The following MYO10 variants were observed in gnomAD, a reference collection of about 807,000 sequenced individuals.
The protein encoded by MYO10 is myosin X.
Under a neutral mutation model 257.3 loss-of-function variants are expected in MYO10, and 133 were observed. The ratio of observed to expected loss-of-function variants is 0.52; its 90% confidence interval spans 0.45 to 0.60. The LOEUF (loss-of-function observed/expected upper bound fraction) is 0.60, where lower values mean the gene tolerates loss of function less well. MYO10 is among the 20% of genes least tolerant of loss of function. The probability of loss-of-function intolerance (pLI) is 0.00; values close to 1 mark genes in which losing one functional copy is unlikely to be tolerated. For synonymous variants in MYO10, 1,104 were observed against 1,028.6 expected, an observed-to-expected ratio of 1.07 and a Z score of -1.40; for missense variants, 2,399 against 2,635.7, an observed-to-expected ratio of 0.91 and a Z score of 1.97.
intron 19 of MYO10, among the ~76,000 whole-genome samples, chr5:16,715,190 C>T (rs1264175571): frequency 2.1e-5 from 3 of 145,064 alleles, no homozygotes; most frequent in Non-Finnish European, 4.5e-5. Flanking sequence ...TACCTATTGA[C>T]TCTAGGGCCT....
chr5:16,873,712 T>C (rs1561030823), intron 2 of MYO10, among the ~76,000 whole-genome samples: 1 of 152,196 alleles, frequency 6.6e-6, no homozygotes, highest in Non-Finnish European at 1.5e-5. Flanking sequence ...ACCTGCAGAC[T>C]CAACAACACG....
intron 19 of MYO10, among the ~76,000 whole-genome samples, chr5:16,711,648 G>T (rs1738625153): frequency 6.6e-6 from 1 of 152,148 alleles, no homozygotes; most frequent in South Asian, 2.1e-4. Context: ...CAGGCGTGGT[G>T]GCACGCGCCT....
chr5:16,866,323 G>T (rs1744248323), intron 2 of MYO10, among the ~76,000 whole-genome samples: 1 of 152,146 alleles, frequency 6.6e-6, no homozygotes, highest in South Asian at 2.1e-4. Context: ...AAAAACATTT[G>T]TATTTTGTTG....
chr5:16,769,564 T>C (rs1438409812), intron 9 of MYO10, among the ~76,000 whole-genome samples: 2 of 152,194 alleles, frequency 1.3e-5, no homozygotes, highest in African/African-American at 4.8e-5. Context: ...GGTCTTGAAC[T>C]CCTGACCTCA....
At chr5:16,741,248 A>G (rs1740007839) in intron 19 of MYO10, among the ~76,000 whole-genome samples, 2 of 152,222 alleles carry the variant, frequency 1.3e-5, no homozygotes, top group African/African-American at 4.8e-5. Context: ...CAAAATTCCA[A>G]CATGTGTATG....
At chr5:16,674,377 G>A (rs958594788) in intron 35 of MYO10, among the ~76,000 whole-genome samples, 2 of 152,092 alleles carry the variant, frequency 1.3e-5, no homozygotes, top group Non-Finnish European at 2.9e-5. Context: ...GCTAAGGCAG[G>A]AGAATCGCTT....
At chr5:16,763,127 A>C (rs926170929) in intron 14 of MYO10, among the ~76,000 whole-genome samples, 3 of 152,210 alleles carry the variant, frequency 2.0e-5, no homozygotes, top group African/African-American at 7.2e-5. Flanking sequence ...TTAAGTTCTT[A>C]TATAAATCTT....
chr5:16,674,972 G>T lies in MYO10; in HGVS notation c.4845C>A (p.Asn1615Lys), dbSNP rs376530724. Residue 1615 changes from asparagine (N) to lysine (K), a missense_variant, in exon 35 of 41, where the codon AAC becomes AAA. Asn to Lys is a moderately conservative substitution (Grantham distance 94). This residue lies in a region of MYO10 where 1,820 missense variants were observed against 1,939.4 expected (regional missense o/e 0.94). Transcript: ENST00000513610. The stretch of plus-strand genomic sequence containing the variant: ...CCACACTGCCGGGGTGGGGCACTTT[G>T]TTGGTCTGTTTGATAAGCTGGCAGT... ...ELYCQLIKQT[N>K]KVPHPGSVGN... The T allele has an allele frequency of 1.1e-5, 18 of 1,614,034 alleles. No homozygotes were observed. Among genetic ancestry groups the T allele is most frequent in the Non-Finnish European group, 1.5e-5 (18 of 1,179,898 alleles).
At position 16,662,668 on chromosome 5, in the gene MYO10, GT is replaced by G. The variant is rs1288948368; in HGVS notation, c.*4023del. 6.6e-6 allele frequency: 1 copy of G among 152,036 alleles called. No individual in the cohort carries two copies. The highest frequency in any genetic ancestry group is 1.5e-5 in the Non-Finnish European group (1 of 68,026). 9.4% of individuals were successfully genotyped at this position (152,036 alleles called of 1,614,324 possible). A position where few individuals can be genotyped will look rare whatever the true frequency, so the allele number is the denominator to read the frequency against. ...TTAGGTGGTGATATGGTTTGGCTCTGTCCCCACCCAAATCTCATCTTGAATT... is the reference window on the plus strand; with the variant it reads ...TTAGGTGGTGATATGGTTTGGCTCTGCCCCACCCAAATCTCATCTTGAATT... On this transcript the variant is annotated 3_prime_UTR_variant, in exon 41 of 41. Coordinates refer to ENST00000513610, the MANE Select transcript of MYO10 (RefSeq NM_012334.3).
chr5:16,683,929 A>G lies in MYO10; in HGVS notation c.3997T>C (p.Leu1333=), dbSNP rs1227675824. Residue 1333 remains leucine (L), a synonymous_variant, in exon 30 of 41, where the codon TTG becomes CTG. Transcript: ENST00000513610. The part of the protein sequence containing the change: ...QANPQNAVGT[L]DVGLIDSVCA... The stretch of plus-strand genomic sequence containing the variant: ...ACAGAATCAATCAGCCCCACATCCA[A>G]GGTGCCCTGGAAAAGAACAAAAAGT... 2.5e-6 allele frequency: 4 copies of G among 1,613,462 alleles called. No homozygotes were observed. Among genetic ancestry groups the G allele is most frequent in the African/African-American group, 1.3e-5 (1 of 74,936 alleles).
intron 19 of MYO10, among the ~76,000 whole-genome samples, chr5:16,730,377 T>C (rs1376948885): frequency 6.6e-6 from 1 of 152,130 alleles, no homozygotes; most frequent in African/African-American, 2.4e-5. Flanking sequence ...TACAGTCTGT[T>C]GGTAGATGGA....
intron 2 of MYO10, among the ~76,000 whole-genome samples, chr5:16,839,355 G>T (rs1299572737): frequency 6.6e-6 from 1 of 152,148 alleles, no homozygotes; most frequent in African/African-American, 2.4e-5. Flanking sequence ...CTTCAGTGGA[G>T]GAAGTCATTG....
intron 17 of MYO10, among the ~76,000 whole-genome samples, chr5:16,758,670 G>A (rs1228696977): frequency 6.6e-6 from 1 of 152,158 alleles, no homozygotes; most frequent in Non-Finnish European, 1.5e-5. Flanking sequence ...TTCAAATCCT[G>A]TCTCCCCACT....
intron 1 of MYO10, among the ~76,000 whole-genome samples, chr5:16,928,458 G>A (rs1220400684): frequency 1.3e-5 from 2 of 152,198 alleles, no homozygotes; most frequent in East Asian, 3.9e-4. Context: ...CTCCCAAAGT[G>A]CTGGGATTAC....
At chr5:16,724,475 A>G (rs1337816107) in intron 19 of MYO10, among the ~76,000 whole-genome samples, 1 of 152,176 alleles carries the variant, frequency 6.6e-6, no homozygotes. Context: ...ACTAGTTCAA[A>G]TATGACTCTA....
chr5:16,872,572 A>T (rs1580098863), intron 2 of MYO10, among the ~76,000 whole-genome samples: 1 of 152,356 alleles, frequency 6.6e-6, no homozygotes, highest in Non-Finnish European at 1.5e-5. Context: ...GACTAAAAGG[A>T]AAACATCTTT....
intron 27 of MYO10, among the ~76,000 whole-genome samples, chr5:16,690,328 G>C (rs1737440565): frequency 6.6e-6 from 1 of 152,152 alleles, no homozygotes; most frequent in African/African-American, 2.4e-5. Context: ...GGCTGCAGTG[G>C]GGTGGGGAGT....
At chr5:16,861,888 C>T (rs1366015102) in intron 2 of MYO10, among the ~76,000 whole-genome samples, 1 of 152,170 alleles carries the variant, frequency 6.6e-6, no homozygotes, top group Non-Finnish European at 1.5e-5. Context: ...TACACCTAGG[C>T]TCAATTGCCA....
At chr5:16,666,926 G>T in intron 40 of MYO10, 133 bp from the exon 41 acceptor site, 1 of 683,924 alleles carries the variant, frequency 1.5e-6, no homozygotes, top group South Asian at 1.9e-5. Flanking sequence ...CCATTTTGCA[G>T]GAAGCCAGAA....
Sources: gnomAD v4.1 joint callset for allele counts (sites outside exome capture counted in the v4.1 genomes callset) on GRCh38, gnomAD v4.1.1 for gene constraint, gnomAD v4.1.1 regional missense constraint, MANE v1.5 for transcripts, NCBI Gene and HGNC (gene_info 2026-07-23, HGNC 2026-07-21) for gene names.